The following XYLT1 variants were observed in gnomAD, a reference collection of about 807,000 sequenced individuals.
The protein encoded by XYLT1 is xylosyltransferase 1, also known as beta-D-xylosyltransferase 1.
XYLT1 carries 36 observed loss-of-function variants against 91.3 expected under a neutral mutation model. The ratio of observed to expected loss-of-function variants is 0.39; its 90% confidence interval spans 0.30 to 0.52. XYLT1 has a LOEUF of 0.52. Ranked by LOEUF, XYLT1 falls within the 20% of genes least tolerant of loss-of-function variation. The pLI is 0.68. For missense variants in XYLT1, 1,242 were observed against 1,284.5 expected, an observed-to-expected ratio of 0.97 and a Z score of 0.51; for synonymous variants, 588 against 532.0, an observed-to-expected ratio of 1.11 and a Z score of -1.45.
rs186855978 is a variant in XYLT1, at chr16:17,168,684, A to G, written c.1290-9775T>C. On this transcript the variant is annotated intron_variant, in intron 5 of 11. Transcript: ENST00000261381. ...CGGAGGAAAAGGTATGAAAAATGCT[A>G]AAGAGTATGTTTTCCTGGACTCCAC... 3.2e-3 allele frequency among the ~76,000 whole-genome samples: 483 copies of G among 152,252 alleles called. 1 individual carries two copies. Among genetic ancestry groups the G allele is most frequent in the African/African-American group, 0.011 (458 of 41,548 alleles).
chr16:17,121,768 G>A (rs1193675204), intron 10 of XYLT1, among the ~76,000 whole-genome samples: 1 of 151,868 alleles, frequency 6.6e-6, no homozygotes, highest in Non-Finnish European at 1.5e-5. Flanking sequence ...TTGCCCATGA[G>A]TCCCCAAACT....
At chr16:17,215,221 T>C (rs1319024547) in intron 3 of XYLT1, among the ~76,000 whole-genome samples, 1 of 152,110 alleles carries the variant, frequency 6.6e-6, no homozygotes, top group Non-Finnish European at 1.5e-5. Flanking sequence ...CCAGGCATGG[T>C]GGTAGGCACC....
At chr16:17,380,957 A>T (rs924047058) in intron 1 of XYLT1, among the ~76,000 whole-genome samples, 4 of 152,250 alleles carry the variant, frequency 2.6e-5, no homozygotes, top group African/African-American at 9.6e-5. Flanking sequence ...CGTAGTCAAA[A>T]TCATAGACAC....
chr16:17,451,190 AT>A (rs1227056889), intron 1 of XYLT1, among the ~76,000 whole-genome samples: 1 of 152,196 alleles, frequency 6.6e-6, no homozygotes, highest in Non-Finnish European at 1.5e-5. Context: ...AACAGAGATG[AT>A]GAACCCATTA....
intron 1 of XYLT1, among the ~76,000 whole-genome samples, chr16:17,392,682 T>C (rs2035834788): frequency 6.6e-6 from 1 of 152,108 alleles, no homozygotes; most frequent in African/African-American, 2.4e-5. Context: ...TTCCCTTTGT[T>C]CCTAAACAGA....
chr16:17,142,929 T>A (rs999530277), intron 6 of XYLT1, among the ~76,000 whole-genome samples: 1 of 152,184 alleles, frequency 6.6e-6, no homozygotes, highest in Non-Finnish European at 1.5e-5. Flanking sequence ...AAAAAAGATA[T>A]CATTTTCTTC....
At chr16:17,183,771 C>A (rs927375419) in intron 5 of XYLT1, among the ~76,000 whole-genome samples, 33 of 152,036 alleles carry the variant, frequency 2.2e-4, no homozygotes, top group Non-Finnish European at 4.3e-4. Flanking sequence ...CTACTATTGA[C>A]CATGCTGGAC....
rs115555731 is a variant in XYLT1, at chr16:17,150,712, G to A, written c.1370+8117C>T. ...CTGCATTCCACACTCTAGCCACAAG[G>A]TTCTAATAAGTAAGTAGACATCGAG... On this transcript the variant is annotated intron_variant, in intron 6 of 11. Coordinates refer to ENST00000261381, the MANE Select transcript of XYLT1 (RefSeq NM_022166.4). 5.2e-3 allele frequency among the ~76,000 whole-genome samples: 792 copies of A among 152,286 alleles called. 8 individuals are homozygous for A. Among genetic ancestry groups the A allele is most frequent in the African/African-American group, 0.018 (736 of 41,556 alleles).
intron 3 of XYLT1, among the ~76,000 whole-genome samples, chr16:17,233,521 C>T (rs2033200233): frequency 6.6e-6 from 1 of 152,212 alleles, no homozygotes; most frequent in Admixed American, 6.5e-5. Context: ...GCAGACGCGC[C>T]CTGCTTCAAA....
intron 9 of XYLT1, among the ~76,000 whole-genome samples, 180 bp downstream of exon 9, chr16:17,134,293 T>C (rs1473358324): frequency 1.3e-5 from 2 of 152,062 alleles, no homozygotes; most frequent in African/African-American, 2.4e-5. Flanking sequence ...ACAGCTTGGA[T>C]TGGAAATGCC....
At chr16:17,124,922 G>A (rs1324597762) in intron 10 of XYLT1, among the ~76,000 whole-genome samples, 1 of 152,174 alleles carries the variant, frequency 6.6e-6, no homozygotes, top group Non-Finnish European at 1.5e-5. Flanking sequence ...TTTTGTAAGT[G>A]TGTCCTTCAT....
chr16:17,197,014 A>ATATATATATATATATAT (rs1597184723), intron 5 of XYLT1, among the ~76,000 whole-genome samples: 8 of 110,508 alleles, frequency 7.2e-5, no homozygotes, highest in African/African-American at 3.6e-4. Context: ...CTGTCTCCAA[A>ATATATATATATATATAT]ATATATATAT....
intron 1 of XYLT1, among the ~76,000 whole-genome samples, chr16:17,358,918 G>A (rs541606687): frequency 1.3e-5 from 2 of 152,242 alleles, no homozygotes; most frequent in Non-Finnish European, 2.9e-5. Context: ...GAAGGCCAGA[G>A]AAATGTCCTA....
intron 1 of XYLT1, among the ~76,000 whole-genome samples, chr16:17,430,521 C>T (rs1433417822): frequency 6.6e-6 from 1 of 152,110 alleles, no homozygotes; most frequent in Non-Finnish European, 1.5e-5. Flanking sequence ...TTCAAGATGG[C>T]GGCAGCAGAA....
At chr16:17,266,875 G>C (rs2033813692) in intron 2 of XYLT1, among the ~76,000 whole-genome samples, 1 of 152,222 alleles carries the variant, frequency 6.6e-6, no homozygotes, top group African/African-American at 2.4e-5. Context: ...AACGGTGGAA[G>C]CACAGTGTGT....
intron 1 of XYLT1, among the ~76,000 whole-genome samples, chr16:17,360,459 C>T (rs2035366192): frequency 6.6e-6 from 1 of 152,120 alleles, no homozygotes; most frequent in African/African-American, 2.4e-5. Flanking sequence ...GTCAGGGATC[C>T]AAGATTAAGA....
chr16:17,121,705 C>T (rs1296030916), intron 10 of XYLT1, among the ~76,000 whole-genome samples: 2 of 152,050 alleles, frequency 1.3e-5, no homozygotes, highest in African/African-American at 4.8e-5. Flanking sequence ...ATACACTGCA[C>T]CCCATGTGTA....
rs773834229 is a variant in XYLT1, at chr16:17,106,434, A to AAAAGT, written c.*2256_*2260dup. 6.6e-6 allele frequency: 1 copy of AAAAGT among 152,154 alleles called. No individual in the cohort carries two copies. Among genetic ancestry groups the AAAAGT allele is most frequent in the Non-Finnish European group, 1.5e-5 (1 of 68,036 alleles). The allele number at this position is 152,154 out of a possible 1,614,324, so 9.4% of individuals were successfully genotyped here. ...AAAGAGATCATAGGGGCTTTCTGAG[A>AAAAGT]AAAGTACCCTGAGATCCCTGGAATC... On this transcript the variant is annotated 3_prime_UTR_variant, in exon 12 of 12. Coordinates refer to ENST00000261381, the MANE Select transcript of XYLT1 (RefSeq NM_022166.4).
At chr16:17,159,066 TTA>T (rs2031486293) in intron 5 of XYLT1, among the ~76,000 whole-genome samples, 157 bp from the exon 6 acceptor site, 1 of 152,216 alleles carries the variant, frequency 6.6e-6, no homozygotes, top group South Asian at 2.1e-4. Flanking sequence ...ATCGCCATTT[TTA>T]TGTCACCATC....
Sources: gnomAD v4.1 joint callset for allele counts (sites outside exome capture counted in the v4.1 genomes callset) on GRCh38, gnomAD v4.1.1 for gene constraint, MANE v1.5 for transcripts, NCBI Gene and HGNC (gene_info 2026-07-23, HGNC 2026-07-21) for gene names.